The following PTBP2 variants were observed in gnomAD, a reference collection of about 807,000 sequenced individuals.
PTBP2 encodes polypyrimidine tract binding protein 2, also known as polypyrimidine tract-binding protein 2.
Under a neutral mutation model 61.4 loss-of-function variants are expected in PTBP2, and 13 were observed. The observed-to-expected ratio is 0.21, with a 90% CI of 0.14 to 0.34. The LOEUF (loss-of-function observed/expected upper bound fraction) is 0.34. PTBP2 is among the 10% of genes least tolerant of loss of function. The pLI is 1.00. For missense variants in PTBP2, 405 were observed against 642.6 expected (o/e 0.63, Z 4.00); for synonymous variants, 215 against 218.5 (o/e 0.98, Z 0.14).
At chr1:96,822,806 T>C (rs1662725098) in exon 14 of PTBP2, 1 of 152,216 alleles carries the variant, frequency 6.6e-6, no homozygotes, top group Non-Finnish European at 1.5e-5. Context: ...CATGCCTCTC[T>C]GTGTGATAAG....
At position 96,804,786 on chromosome 1, in the gene PTBP2, G is replaced by A. The variant is rs760439751; in HGVS notation, c.905-14G>A. The A allele has an allele frequency of 1.3e-6, 2 of 1,582,892 alleles. No homozygotes were observed. Among genetic ancestry groups the A allele is most frequent in the East Asian group, 2.2e-5 (1 of 44,588 alleles). On this transcript the variant is annotated splice_polypyrimidine_tract_variant and intron_variant, in intron 8 of 13. Transcript: ENST00000674951. ...AAATATGCTTTATTTTAAAATTAGG[G>A]CTTCCTGTTGCAGCTGTTCCAGGAG...
At chr1:96,746,722 T>A (rs959515047) in intron 2 of PTBP2, among the ~76,000 whole-genome samples, 5 of 136,990 alleles carry the variant, frequency 3.6e-5, no homozygotes, top group Non-Finnish European at 6.4e-5. Context: ...AAAAAAAAAG[T>A]GTGTGTTTTA....
intron 2 of PTBP2, among the ~76,000 whole-genome samples, chr1:96,741,738 TG>T (rs1557697134): frequency 1.3e-5 from 2 of 152,246 alleles, no homozygotes; most frequent in African/African-American, 2.4e-5. Context: ...TTTAAAATTT[TG>T]ATTTTCACAT....
intron 8 of PTBP2, among the ~76,000 whole-genome samples, chr1:96,799,567 A>G (rs1660770742): frequency 6.6e-6 from 1 of 152,084 alleles, no homozygotes; most frequent in Non-Finnish European, 1.5e-5. Flanking sequence ...TCTCATCAAC[A>G]TGTGTAAACA....
At chr1:96,777,207 A>G (rs1295860350) in intron 5 of PTBP2, among the ~76,000 whole-genome samples, 13 of 152,132 alleles carry the variant, frequency 8.5e-5, no homozygotes, top group Admixed American at 7.2e-4. Context: ...GAGATTTACA[A>G]CGTACCTGTT....
chr1:96,791,826 C>CTTTTTTTTGTTTTTTTTTTTGT lies in PTBP2; in HGVS notation c.904+6580_904+6581insGTTTTTTTTTTTGTTTTTTTTT, dbSNP rs1482989030. Among the ~76,000 whole-genome samples, 262 of 66,092 alleles carry CTTTTTTTTGTTTTTTTTTTTGT rather than the reference C, an allele frequency of 4.0e-3. 8 individuals carry two copies. The highest frequency in any genetic ancestry group is 8.1e-3 in the East Asian group (19 of 2,334). The allele number at this position is 66,092 out of a possible 152,430, so 43.4% of individuals were successfully genotyped here. On this transcript the variant is annotated intron_variant, in intron 8 of 13. Transcript: ENST00000674951. ...TCCACCTCTGTTGCTTGGAGTTGTG[C>CTTTTTTTTGTTTTTTTTTTTGT]TTTTTTTTTTTTTTTTTTTTTTTGA...
intron 3 of PTBP2, among the ~76,000 whole-genome samples, chr1:96,759,839 G>T (rs565179211): frequency 4.6e-5 from 7 of 152,206 alleles, no homozygotes; most frequent in African/African-American, 1.7e-4. Context: ...AGACTGGGCG[G>T]GCAATTTATG....
At chr1:96,732,217 C>G (rs1408403938) in intron 2 of PTBP2, among the ~76,000 whole-genome samples, 1 of 152,100 alleles carries the variant, frequency 6.6e-6, no homozygotes, top group African/African-American at 2.4e-5. Context: ...TCAAATAATG[C>G]TAAATGTAAC....
At chr1:96,739,124 T>A (rs757391949) in intron 2 of PTBP2, among the ~76,000 whole-genome samples, 123 of 152,284 alleles carry the variant, frequency 8.1e-4, no homozygotes, top group Middle Eastern at 3.4e-3. Flanking sequence ...TTTCTCCAGG[T>A]TGATGGGATT....
intron 2 of PTBP2, among the ~76,000 whole-genome samples, chr1:96,739,785 T>G (rs1652749878): frequency 6.6e-6 from 1 of 151,374 alleles, no homozygotes; most frequent in Non-Finnish European, 1.5e-5. Flanking sequence ...GGCTAATTTT[T>G]TGTATATATA....
At chr1:96,805,723 C>G (rs1661438741) in intron 9 of PTBP2, among the ~76,000 whole-genome samples, 1 of 152,084 alleles carries the variant, frequency 6.6e-6, no homozygotes, top group Non-Finnish European at 1.5e-5. Flanking sequence ...CTTATTTTAT[C>G]CATTTAATAC....
intron 9 of PTBP2, among the ~76,000 whole-genome samples, chr1:96,805,356 A>G (rs1173546288): frequency 6.6e-6 from 1 of 151,824 alleles, no homozygotes; most frequent in Non-Finnish European, 1.5e-5. Context: ...TTTAAATCTT[A>G]TTTTATGTGA....
At chr1:96,737,831 A>G (rs1198802293) in intron 2 of PTBP2, among the ~76,000 whole-genome samples, 1 of 152,140 alleles carries the variant, frequency 6.6e-6, no homozygotes, top group African/African-American at 2.4e-5. Flanking sequence ...AATAAACTTG[A>G]TTCTTTGTGA....
intron 11 of PTBP2, among the ~76,000 whole-genome samples, chr1:96,808,929 A>G (rs1428813580): frequency 1.3e-5 from 2 of 152,218 alleles, no homozygotes; most frequent in Non-Finnish European, 2.9e-5. Flanking sequence ...ACTTTTTACA[A>G]GAGACATGTA....
At position 96,763,379 on chromosome 1, in the gene PTBP2, C is replaced by A. The variant is rs941246051; in HGVS notation, c.116-6324C>A. Among the ~76,000 whole-genome samples the A allele has an allele frequency of 3.3e-5, 5 of 152,054 alleles. No homozygotes were observed. The East Asian group carries it at 9.7e-4, about 29-fold the overall frequency. On this transcript the variant is annotated intron_variant, in intron 3 of 13. Coordinates refer to ENST00000674951, the MANE Select transcript of PTBP2 (RefSeq NM_021190.4). Reference sequence around the variant, plus strand: ...TCACTCGCGGTTAGGAGCTGCAGACCAGCCCGGCCAACACAGCGAAACCCC... The same window carrying A: ...TCACTCGCGGTTAGGAGCTGCAGACAAGCCCGGCCAACACAGCGAAACCCC...
chr1:96,810,113 C>A (rs1661915670), intron 11 of PTBP2, among the ~76,000 whole-genome samples: 1 of 152,022 alleles, frequency 6.6e-6, no homozygotes, highest in Non-Finnish European at 1.5e-5. Flanking sequence ...TTCTTGAGGT[C>A]TTTTAAAATT....
intron 2 of PTBP2, among the ~76,000 whole-genome samples, chr1:96,724,245 A>AT (rs1254087851): frequency 5.1e-5 from 7 of 137,066 alleles, no homozygotes; most frequent in East Asian, 5.0e-4. Flanking sequence ...ATGTATTGTA[A>AT]TTTTTTTTTG....
intron 8 of PTBP2, among the ~76,000 whole-genome samples, chr1:96,789,937 C>G (rs763337163): frequency 2.0e-5 from 3 of 152,078 alleles, no homozygotes; most frequent in Non-Finnish European, 4.4e-5. Flanking sequence ...TCTTAATGTC[C>G]TCAAATACCC....
intron 11 of PTBP2, among the ~76,000 whole-genome samples, chr1:96,810,647 T>C (rs776884967): frequency 6.6e-6 from 1 of 152,244 alleles, no homozygotes; most frequent in Non-Finnish European, 1.5e-5. Context: ...CTGCTGTTTG[T>C]GCTGTCTTTT....
Sources: allele counts gnomAD v4.1 joint callset (sites outside exome capture counted in the v4.1 genomes callset), GRCh38; gene constraint gnomAD v4.1.1; transcripts MANE v1.5; gene names NCBI Gene and HGNC (gene_info 2026-07-23, HGNC 2026-07-21).